KLHL32: variants seen among roughly 807,000 people sequenced by gnomAD.
KLHL32 encodes kelch like family member 32.
Under a neutral mutation model 64.8 loss-of-function variants are expected in KLHL32, and 35 were observed. The ratio of observed to expected loss-of-function variants is 0.54; its 90% CI spans 0.41 to 0.72. The LOEUF is 0.72. Ranked by LOEUF, KLHL32 falls within the 30% of genes least tolerant of loss-of-function variation. The pLI is 0.00. For missense variants in KLHL32, 589 were observed against 768.5 expected (o/e 0.77, Z 2.76); for synonymous variants, 259 against 281.0 (o/e 0.92, Z 0.78).
At chr6:97,109,899 A>G (rs1447327041) in intron 6 of KLHL32, among the ~76,000 whole-genome samples, 3 of 152,260 alleles carry the variant, frequency 2.0e-5, no homozygotes, top group Admixed American at 2.0e-4. Flanking sequence ...ATTAGGAACA[A>G]TAGCAAATAT....
intron 1 of KLHL32, among the ~76,000 whole-genome samples, chr6:96,963,370 A>G (rs1774088589): frequency 6.6e-6 from 1 of 152,254 alleles, no homozygotes; most frequent in Non-Finnish European, 1.5e-5. Flanking sequence ...TCCATTGATA[A>G]GAGTTAGGAG....
At chr6:97,101,269 G>C (rs367684690) in intron 6 of KLHL32, among the ~76,000 whole-genome samples, 2 of 152,002 alleles carry the variant, frequency 1.3e-5, no homozygotes, top group Non-Finnish European at 2.9e-5. Flanking sequence ...AAGATGATTC[G>C]TGTGCGTTTC....
rs1775650482 is a variant in KLHL32, at chr6:96,976,023, G to A, written c.50G>A (p.Arg17Lys). ...ATTCAAGAAATGCTGACAGGCCAGA[G>A]GCTCTGCCACTCCGAATCTCACAAT... ...LSIQEMLTGQ[R>K]LCHSESHNDS... Residue 17 changes from arginine to lysine, a missense_variant, in exon 3 of 11, where the codon AGG becomes AAG. By Grantham distance (26) the Arg-to-Lys change is conservative. Transcript: ENST00000369261. 1.3e-6 allele frequency: 2 copies of A among 1,591,268 alleles called. No homozygotes were observed. The highest frequency in any genetic ancestry group is 8.6e-7 in the Non-Finnish European group (1 of 1,163,560).
chr6:96,926,911 G>A (rs1049371153), intron 1 of KLHL32, among the ~76,000 whole-genome samples: 1 of 152,148 alleles, frequency 6.6e-6, no homozygotes, highest in African/African-American at 2.4e-5. Context: ...CTGCTAGTTA[G>A]CAACCCATAA....
At chr6:97,109,038 C>A (rs1156268549) in intron 6 of KLHL32, among the ~76,000 whole-genome samples, 5 of 152,164 alleles carry the variant, frequency 3.3e-5, no homozygotes, top group Non-Finnish European at 7.3e-5. Flanking sequence ...CTGTCCAAAG[C>A]CTTCCTATTC....
At chr6:97,109,794 G>A (rs576592669) in intron 6 of KLHL32, among the ~76,000 whole-genome samples, 7 of 152,282 alleles carry the variant, frequency 4.6e-5, no homozygotes, top group Admixed American at 3.3e-4. Context: ...TGCTGTTTCC[G>A]GTAGTATCTA....
At chr6:97,134,007 A>G (rs1380331374) in intron 10 of KLHL32, among the ~76,000 whole-genome samples, 1 of 152,156 alleles carries the variant, frequency 6.6e-6, no homozygotes, top group Non-Finnish European at 1.5e-5. Flanking sequence ...AACTTAACAA[A>G]AAAAAACCCC....
chr6:96,929,919 A>G (rs1769640094), intron 1 of KLHL32, among the ~76,000 whole-genome samples: 1 of 152,224 alleles, frequency 6.6e-6, no homozygotes, highest in Admixed American at 6.5e-5. Context: ...CCAACCTGAT[A>G]AGATAATTTT....
At chr6:97,097,786 G>A (rs1463656833) in intron 6 of KLHL32, among the ~76,000 whole-genome samples, 5 of 152,172 alleles carry the variant, frequency 3.3e-5, no homozygotes, top group Non-Finnish European at 7.3e-5. Flanking sequence ...TTGTGCAGTG[G>A]GAAAGTATAA....
chr6:96,992,904 C>T (rs1778045467), intron 3 of KLHL32, among the ~76,000 whole-genome samples: 1 of 152,212 alleles, frequency 6.6e-6, no homozygotes, highest in Non-Finnish European at 1.5e-5. Flanking sequence ...CCAAGTTGTG[C>T]CGTTTCCACT....
chr6:97,017,088 G>A (rs911225488), intron 3 of KLHL32, among the ~76,000 whole-genome samples: 3 of 152,134 alleles, frequency 2.0e-5, no homozygotes, highest in African/African-American at 7.2e-5. Context: ...CTAAATACAG[G>A]TTGGAAATGT....
intron 6 of KLHL32, among the ~76,000 whole-genome samples, chr6:97,088,973 G>GA (rs1235620950): frequency 6.6e-6 from 1 of 152,162 alleles, no homozygotes; most frequent in Non-Finnish European, 1.5e-5. Context: ...ACAATTTGTA[G>GA]AAAAAGCCTA....
chr6:97,069,351 T>C (rs1790333276), intron 5 of KLHL32, among the ~76,000 whole-genome samples: 1 of 152,070 alleles, frequency 6.6e-6, no homozygotes, highest in Admixed American at 6.6e-5. Context: ...GTTTAAAAAA[T>C]GCTATTCTCT....
At chr6:97,050,238 T>C (rs1304063180) in intron 4 of KLHL32, among the ~76,000 whole-genome samples, 1 of 152,206 alleles carries the variant, frequency 6.6e-6, no homozygotes, top group Non-Finnish European at 1.5e-5. Context: ...ATGTCTTCAT[T>C]TTCTTGCTGT....
intron 1 of KLHL32, among the ~76,000 whole-genome samples, chr6:96,944,693 A>G (rs528639934): frequency 6.6e-6 from 1 of 152,212 alleles, no homozygotes; most frequent in East Asian, 1.9e-4. Flanking sequence ...TACTTGTTCA[A>G]GTTGCATGAG....
intron 1 of KLHL32, among the ~76,000 whole-genome samples, chr6:96,958,411 A>G (rs1006391007): frequency 6.6e-6 from 1 of 152,164 alleles, no homozygotes; most frequent in East Asian, 1.9e-4. Context: ...GGGGTTAACC[A>G]GGCAAAAAGG....
At position 96,964,782 on chromosome 6, in the gene KLHL32, T is replaced by C. The variant is rs554959897; in HGVS notation, c.-65-2214T>C. Among the ~76,000 whole-genome samples, 15 of 152,364 alleles carry C rather than the reference T, an allele frequency of 9.8e-5. No homozygotes were observed. The South Asian group carries it at 3.1e-3, about 32-fold the overall frequency. Reference sequence around the variant, plus strand: ...ATAATAAATAGTAAATAATATGTAGTAAAAATAGTAAATATAACAAACCTT... The same window carrying C: ...ATAATAAATAGTAAATAATATGTAGCAAAAATAGTAAATATAACAAACCTT... On this transcript the variant is annotated intron_variant, in intron 1 of 10. Coordinates refer to ENST00000369261, the MANE Select transcript of KLHL32 (RefSeq NM_052904.4).
chr6:97,088,221 G>C lies in KLHL32; in HGVS notation c.627+2880G>C, dbSNP rs1884166. 8.7e-3 allele frequency among the ~76,000 whole-genome samples: 1,320 copies of C among 152,202 alleles called. 17 individuals carry two copies. Among genetic ancestry groups the C allele is most frequent in the African/African-American group, 0.029 (1,205 of 41,492 alleles). Reference sequence around the variant, plus strand: ...AAATATATTGTTTTTTTAAAATTTAGTTCAATTCAGCTCAACAATTTGGTT... The same window carrying C: ...AAATATATTGTTTTTTTAAAATTTACTTCAATTCAGCTCAACAATTTGGTT... On this transcript the variant is annotated intron_variant, in intron 6 of 10. Coordinates refer to ENST00000369261, the MANE Select transcript of KLHL32 (RefSeq NM_052904.4).
intron 1 of KLHL32, among the ~76,000 whole-genome samples, chr6:96,926,097 T>C (rs960519364): frequency 6.6e-6 from 1 of 152,216 alleles, no homozygotes; most frequent in Admixed American, 6.5e-5. Context: ...ACACAGTACT[T>C]GAAGGCATCA....
Sources: allele counts gnomAD v4.1 joint callset (sites outside exome capture counted in the v4.1 genomes callset), GRCh38; gene constraint gnomAD v4.1.1; transcripts MANE v1.5; gene names NCBI Gene and HGNC (gene_info 2026-07-23, HGNC 2026-07-21).